ARHGEF3: variants seen among roughly 807,000 people sequenced by gnomAD.
ARHGEF3 encodes Rho guanine nucleotide exchange factor 3, also known as 59.8 kDA protein.
A neutral mutation model predicts 63.2 loss-of-function variants in ARHGEF3; 28 were observed. The observed-to-expected ratio is 0.44, with a 90% CI of 0.33 to 0.61. The LOEUF (loss-of-function observed/expected upper bound fraction) is 0.61. ARHGEF3 is among the 20% of genes least tolerant of loss of function. ARHGEF3 has a pLI of 0.03. For synonymous variants in ARHGEF3, 266 were observed against 254.2 expected, an observed-to-expected ratio of 1.05 and a Z score of -0.44; for missense variants, 533 against 659.3, an observed-to-expected ratio of 0.81 and a Z score of 2.10.
chr3:56,994,777 T>C (rs2106973845), intron 2 of ARHGEF3, among the ~76,000 whole-genome samples: 1 of 145,134 alleles, frequency 6.9e-6, no homozygotes, highest in Non-Finnish European at 1.5e-5. Flanking sequence ...GAATGATGAC[T>C]GACTGATATG....
chr3:57,022,598 C>A (rs115486417), intron 2 of ARHGEF3, among the ~76,000 whole-genome samples: 1 of 152,166 alleles, frequency 6.6e-6, no homozygotes, highest in African/African-American at 2.4e-5. Flanking sequence ...TGGTGGCATG[C>A]TTGAAACTCA....
chr3:56,769,161 TACATCACA>T (rs2035873522), intron 2 of ARHGEF3, among the ~76,000 whole-genome samples: 1 of 152,248 alleles, frequency 6.6e-6, no homozygotes, highest in Non-Finnish European at 1.5e-5. Context: ...AATGAGGGGC[TACATCACA>T]ACATCATGAA....
intron 1 of ARHGEF3, among the ~76,000 whole-genome samples, chr3:57,046,027 GA>G (rs5849185): frequency 6.6e-6 from 1 of 151,984 alleles, no homozygotes. Flanking sequence ...TCAAAATGCA[GA>G]AAAAAATAAG....
chr3:56,775,492 G>C, intron 1 of ARHGEF3: 1 of 997,804 alleles, frequency 1.0e-6, no homozygotes, highest in South Asian at 4.4e-5. Flanking sequence ...CAGGCTGCTG[G>C]GTACCTCTCC....
chr3:56,792,819 AT>A (rs56890309), intron 1 of ARHGEF3, among the ~76,000 whole-genome samples: 47 of 147,924 alleles, frequency 3.2e-4, no homozygotes, highest in Middle Eastern at 3.5e-3. Flanking sequence ...TCTTTTTCTT[AT>A]TTTTTTTTTT....
intron 7 of ARHGEF3, among the ~76,000 whole-genome samples, chr3:56,741,241 A>G (rs1241336508): frequency 4.3e-5 from 6 of 140,000 alleles, no homozygotes; most frequent in Non-Finnish European, 7.5e-5. Context: ...GCTAGAGTGC[A>G]ATGGCGCAAT....
Position 56,880,224 on chromosome 3 carries a change from T to A in ARHGEF3, c.192+2068A>T, listed in dbSNP as rs570095747. Among the ~76,000 whole-genome samples the A allele has an allele frequency of 2.6e-5, 4 of 152,292 alleles. No individual in the cohort carries two copies. In the South Asian group the frequency reaches 8.3e-4, roughly 32 times the overall value. On this transcript the variant is annotated intron_variant, in intron 4 of 12. Transcript: ENST00000338458. ...AAAGCTGAGTCCCTAAGCATAGGGA[T>A]CGGCCATGTTGGTGGTAATGGGGTA...
intron 2 of ARHGEF3, among the ~76,000 whole-genome samples, chr3:57,020,573 T>C (rs919963643): frequency 6.6e-6 from 1 of 152,218 alleles, no homozygotes; most frequent in Admixed American, 6.6e-5. Context: ...CGGGAAGCTC[T>C]GCTGGAACAA....
At chr3:56,867,835 G>C (rs1650667707) in intron 4 of ARHGEF3, among the ~76,000 whole-genome samples, 1 of 152,114 alleles carries the variant, frequency 6.6e-6, no homozygotes, top group South Asian at 2.1e-4. Context: ...AGAACTGAAG[G>C]AAAATGAGGA....
At chr3:57,072,058 G>C (rs1705937133) in intron 1 of ARHGEF3, among the ~76,000 whole-genome samples, 1 of 152,094 alleles carries the variant, frequency 6.6e-6, no homozygotes, top group East Asian at 1.9e-4. Flanking sequence ...GCAAATCAAA[G>C]TCACAATGAG....
chr3:57,040,850 A>C lies in ARHGEF3; in HGVS notation c.-27-5674T>G, dbSNP rs79034518. 7.6e-4 allele frequency among the ~76,000 whole-genome samples: 115 copies of C among 152,052 alleles called. 1 individual carries two copies. Among genetic ancestry groups the C allele is most frequent in the Non-Finnish European group, 1.2e-3 (81 of 67,974 alleles). On this transcript the variant is annotated intron_variant, in intron 1 of 12. Coordinates refer to the ARHGEF3 transcript ENST00000338458. ...CTGCCAACCGCTGCCCACCAGACTG[A>C]CCTGGAACTGATCAGCTACTGACAG...
rs1406741043 is a variant in ARHGEF3 at position 56,945,949 on chromosome 3, G to T, written c.129+12874C>A. On this transcript the variant is annotated intron_variant, in intron 3 of 12. Transcript: ENST00000338458. Reference sequence around the variant, plus strand: ...ACAAAACTTCCAGAGGAACGATCAGGCAGCAGCATTTGCTGTTCACCAATA... The same window carrying T: ...ACAAAACTTCCAGAGGAACGATCAGTCAGCAGCATTTGCTGTTCACCAATA... 4.6e-5 allele frequency among the ~76,000 whole-genome samples: 7 copies of T among 152,238 alleles called. No individual in the cohort carries two copies. In the East Asian group the frequency reaches 1.4e-3, roughly 29 times the overall value.
rs141278746 is a variant in ARHGEF3, at chr3:56,737,299, T to C, written c.927A>G (p.Glu309=). The C allele has an allele frequency of 3.7e-6, 6 of 1,613,646 alleles. No homozygotes were observed. The African/African-American group carries it at 6.7e-5, about 18-fold the overall frequency. Residue 309 remains glutamate, a synonymous_variant, in exon 8 of 10, where the codon GAA becomes GAG. Transcript: ENST00000296315. ...GAAGCCGCTCTTTATAATAGCGGCA[T>C]TCAGATTCACCAGTCTTGGTGTTGA... ...AEINTKTGES[E]CRYYKERLLY...
chr3:57,036,392 A>C (rs1703964398), intron 1 of ARHGEF3, among the ~76,000 whole-genome samples: 1 of 152,072 alleles, frequency 6.6e-6, no homozygotes, highest in Admixed American at 6.5e-5. Flanking sequence ...ACAGAGGCAA[A>C]GAGAAAGACA....
intron 1 of ARHGEF3, among the ~76,000 whole-genome samples, chr3:57,035,443 A>G (rs895343680): frequency 3.3e-5 from 5 of 152,018 alleles, no homozygotes; most frequent in African/African-American, 1.2e-4. Flanking sequence ...TCTGCCTCCC[A>G]GGGTCACACC....
chr3:56,885,644 A>G (rs2040898832), intron 3 of ARHGEF3, among the ~76,000 whole-genome samples: 1 of 152,128 alleles, frequency 6.6e-6, no homozygotes, highest in Non-Finnish European at 1.5e-5. Flanking sequence ...GCCAAGCCTC[A>G]TGAGTTCCCC....
At chr3:56,950,603 T>C (rs1699754510) in intron 3 of ARHGEF3, among the ~76,000 whole-genome samples, 1 of 152,040 alleles carries the variant, frequency 6.6e-6, no homozygotes, top group Non-Finnish European at 1.5e-5. Flanking sequence ...CCAGTTAGAA[T>C]GGCGATCATT....
rs55778548 is a variant in ARHGEF3 at position 57,002,424 on chromosome 3, C to CTATATATATA, written c.62+32654_62+32663dup. On this transcript the variant is annotated intron_variant, in intron 2 of 12. Transcript: ENST00000338458. The stretch of plus-strand genomic sequence containing the variant: ...TATATGCCAGGCACTGTTCTAAGCA[C>CTATATATATA]TATATATATATATATATGCCAGGCA... Among the ~76,000 whole-genome samples the CTATATATATA allele has an allele frequency of 2.4e-4, 15 of 62,774 alleles. 1 individual carries two copies. Among genetic ancestry groups the CTATATATATA allele is most frequent in the South Asian group, 1.1e-3 (2 of 1,830 alleles). The allele number at this position is 62,774 out of a possible 152,430, so 41.2% of individuals were successfully genotyped here.
intron 2 of ARHGEF3, among the ~76,000 whole-genome samples, chr3:57,012,892 T>A (rs926821857): frequency 6.6e-5 from 10 of 152,146 alleles, no homozygotes; most frequent in Non-Finnish European, 1.2e-4. Flanking sequence ...GGGAGAAGCA[T>A]GGGCAGGAAC....
Sources: gnomAD v4.1 joint callset for allele counts (sites outside exome capture counted in the v4.1 genomes callset) on GRCh38, gnomAD v4.1.1 for gene constraint, MANE v1.5 for transcripts, NCBI Gene and HGNC (gene_info 2026-07-23, HGNC 2026-07-21) for gene names.